Variants in LRP8 observed in about 807,000 individuals in gnomAD.
LRP8 encodes the protein low-density lipoprotein receptor-related protein 8.
Under a neutral mutation model 111.6 loss-of-function variants are expected in LRP8, and 46 were observed. The observed-to-expected ratio is 0.41, with a 90% CI of 0.33 to 0.53. The LOEUF (loss-of-function observed/expected upper bound fraction) is 0.53. LRP8 is among the 20% of genes least tolerant of loss of function. The pLI, the probability that LRP8 is intolerant of heterozygous loss-of-function variation, is 0.20. For synonymous variants in LRP8, 464 were observed against 511.2 expected (o/e 0.91, Z 1.24); for missense variants, 959 against 1,297.4 (o/e 0.74, Z 4.01).
intron 9 of LRP8, among the ~76,000 whole-genome samples, chr1:53,265,673 C>G (rs1453970662): frequency 6.6e-6 from 1 of 152,198 alleles, no homozygotes; most frequent in African/African-American, 2.4e-5. Context: ...AGGCAGGAAT[C>G]TAGTTGTCAG....
intron 2 of LRP8, among the ~76,000 whole-genome samples, chr1:53,290,419 AGTCGTAAT>A (rs528114084): frequency 6.2e-4 from 95 of 152,310 alleles, no homozygotes; most frequent in African/African-American, 2.0e-3. Context: ...AGCAACAAGA[AGTCGTAAT>A]GTATGAAGAA....
chr1:53,243,886 C>T lies in LRP8; in HGVS notation c.*3132G>A, dbSNP rs770252006. ...TTTTTGTTTCCACATATATCATCCTCCACTGCTACTGTGAACTCTGTAAAG... is the reference window on the plus strand; with the variant it reads ...TTTTTGTTTCCACATATATCATCCTTCACTGCTACTGTGAACTCTGTAAAG... On this transcript the variant is annotated 3_prime_UTR_variant, in exon 19 of 19. Coordinates refer to ENST00000306052, the MANE Select transcript of LRP8 (RefSeq NM_004631.5). 6.6e-6 allele frequency: 1 copy of T among 152,218 alleles called. No individual in the cohort carries two copies. Among genetic ancestry groups the T allele is most frequent in the Non-Finnish European group, 1.5e-5 (1 of 68,054 alleles). The allele number at this position is 152,218 out of a possible 1,614,324, so 9.4% of individuals were successfully genotyped here.
intron 2 of LRP8, among the ~76,000 whole-genome samples, chr1:53,324,724 A>G (rs1056274143): frequency 6.6e-6 from 1 of 152,134 alleles, no homozygotes; most frequent in African/African-American, 2.4e-5. Flanking sequence ...GCACCCAGCT[A>G]CTTTACTCCT....
chr1:53,274,267 G>C (rs552586474), intron 6 of LRP8, among the ~76,000 whole-genome samples: 12 of 152,216 alleles, frequency 7.9e-5, no homozygotes, highest in Non-Finnish European at 1.6e-4. Context: ...GTGGCCCTGG[G>C]ATGTGCTTCA....
Position 53,250,956 on chromosome 1 carries a change from C to A in LRP8, c.2504-94G>T, listed in dbSNP as rs896692631. The A allele has an allele frequency of 5.0e-6, 5 of 1,010,052 alleles. No homozygotes were observed. In the African/African-American group the frequency reaches 8.0e-5, roughly 16 times the overall value. The allele number at this position is 1,010,052 out of a possible 1,614,324, so 62.6% of individuals were successfully genotyped here. ...GCTTGTCACCACTCCACTTTTACTA[C>A]CCTTTGCTCCTCAGGCTCTGTTTCT... is the stretch of plus-strand genomic sequence containing the variant. On this transcript the variant is annotated intron_variant, in intron 16 of 18. Coordinates refer to ENST00000306052, the MANE Select transcript of LRP8 (RefSeq NM_004631.5). This position sits in a 1 kb window ranked among gnomAD's most constrained non-coding sequence, Gnocchi z 4.6.
Position 53,271,224 on chromosome 1 carries a change from C to A in LRP8, c.1126+3G>T, listed in dbSNP as rs1439975425. Reference sequence around the variant, plus strand: ...TGCTTGGGGGTGTGGGAGAAGGTCTCACCGCCACAGGTCTTCTGGTCCAGG... The same window carrying A: ...TGCTTGGGGGTGTGGGAGAAGGTCTAACCGCCACAGGTCTTCTGGTCCAGG... On this transcript the variant is annotated splice_donor_region_variant and intron_variant, in intron 7 of 18. Coordinates refer to ENST00000306052, the MANE Select transcript of LRP8 (RefSeq NM_004631.5). 1 of 1,613,780 alleles carries A rather than the reference C, an allele frequency of 6.2e-7. No homozygotes were observed.
At chr1:53,272,579 C>T in intron 6 of LRP8, 1 of 1,290,914 alleles carries the variant, frequency 7.7e-7, no homozygotes, top group Non-Finnish European at 1.0e-6. Context: ...CAGCCTGAGC[C>T]ATGCTTAGGG....
At chr1:53,292,861 C>A (rs2100471827) in intron 2 of LRP8, among the ~76,000 whole-genome samples, 1 of 152,334 alleles carries the variant, frequency 6.6e-6, no homozygotes, top group South Asian at 2.1e-4. Flanking sequence ...CACCACGGCT[C>A]CCCAGTCAAA....
At chr1:53,296,471 C>T (rs1295475300) in intron 2 of LRP8, among the ~76,000 whole-genome samples, 1 of 152,218 alleles carries the variant, frequency 6.6e-6, no homozygotes, top group Non-Finnish European at 1.5e-5. Flanking sequence ...CACTTGTACC[C>T]GGGTCGGGGA....
Position 53,242,897 on chromosome 1 carries a change from T to C in LRP8, c.*4121A>G, listed in dbSNP as rs543749145. ...CGTGGCTTTTTAAAAATTACTTTTT[T>C]ATAGCACAAAGTGTTTGTAAATGCA... On this transcript the variant is annotated 3_prime_UTR_variant, in exon 19 of 19. Transcript: ENST00000306052. The C allele has an allele frequency of 5.9e-5, 9 of 151,924 alleles. No homozygotes were observed. The East Asian group carries it at 1.7e-3, about 29-fold the overall frequency. The allele number at this position is 151,924 out of a possible 1,614,324, so 9.4% of individuals were successfully genotyped here. A position where few individuals can be genotyped will look rare whatever the true frequency, so the allele number is the denominator to read the frequency against.
Position 53,275,533 on chromosome 1 carries a change from G to A in LRP8, c.1006+98C>T. 5 of 1,501,776 alleles carry A rather than the reference G, an allele frequency of 3.3e-6. No individual in the cohort carries two copies. The highest frequency in any genetic ancestry group is 3.6e-6 in the Non-Finnish European group (4 of 1,104,902). The allele number at this position is 1,501,776 out of a possible 1,614,324, so 93.0% of individuals were successfully genotyped here. A position where few individuals can be genotyped will look rare whatever the true frequency, so the allele number is the denominator to read the frequency against. On this transcript the variant is annotated intron_variant, in intron 6 of 18. Coordinates refer to ENST00000306052, the MANE Select transcript of LRP8 (RefSeq NM_004631.5). The surrounding 1 kb of genome is among the most constrained non-coding windows in gnomAD (Gnocchi z 4.4). ...GCTCTGGGGGAAAATGCATCTTGGGGACCAAGGGGAAACTCCTCCCAACTC... is the reference window on the plus strand; with the variant it reads ...GCTCTGGGGGAAAATGCATCTTGGGAACCAAGGGGAAACTCCTCCCAACTC...
In LRP8 at chr1:53,262,369, A is replaced by G; in HGVS notation, c.1774+77T>C. 1 of 1,532,734 alleles carries G rather than the reference A, an allele frequency of 6.5e-7. No individual in the cohort carries two copies. 94.9% of individuals were successfully genotyped at this position (1,532,734 alleles called of 1,614,324 possible). On this transcript the variant is annotated intron_variant, in intron 11 of 18. Coordinates refer to ENST00000306052, the MANE Select transcript of LRP8 (RefSeq NM_004631.5). This position sits in a 1 kb window ranked among gnomAD's most constrained non-coding sequence, Gnocchi z 4.8. ...TGGCACCATGAGAGGACCCAGAAAC[A>G]AGACTCATGGAGTTCCAGACAGTGA...
At chr1:53,297,605 G>A (rs1274460125) in intron 2 of LRP8, among the ~76,000 whole-genome samples, 1 of 152,210 alleles carries the variant, frequency 6.6e-6, no homozygotes, top group Non-Finnish European at 1.5e-5. Flanking sequence ...CTGAGGAGGA[G>A]GGAGACACAC....
chr1:53,263,344 G>C (rs948082175), intron 10 of LRP8, among the ~76,000 whole-genome samples: 8 of 152,216 alleles, frequency 5.3e-5, no homozygotes, highest in Non-Finnish European at 1.2e-4. Flanking sequence ...CTCCCATGTG[G>C]TACTCCCCTC....
chr1:53,298,096 T>A (rs1311907472), intron 2 of LRP8, among the ~76,000 whole-genome samples: 2 of 152,244 alleles, frequency 1.3e-5, no homozygotes, highest in African/African-American at 4.8e-5. Context: ...TTCCAAGTCC[T>A]TCCAAAGAGG....
chr1:53,257,710 A>G (rs778070541), intron 14 of LRP8, among the ~76,000 whole-genome samples: 2 of 152,240 alleles, frequency 1.3e-5, no homozygotes, highest in Non-Finnish European at 2.9e-5. Flanking sequence ...TCAGCAATAA[A>G]AAGACTGTAG....
At chr1:53,327,046 C>T in intron 1 of LRP8, 54 bp from the exon 2 acceptor site, 2 of 1,596,128 alleles carry the variant, frequency 1.3e-6, no homozygotes, top group Admixed American at 1.7e-5. Context: ...CCACTCCCCA[C>T]CATGCAGTCC....
chr1:53,317,663 TCA>T lies in LRP8; in HGVS notation c.244+9208_244+9209del, dbSNP rs371643465. Among the ~76,000 whole-genome samples the T allele has an allele frequency of 3.5e-4, 54 of 152,294 alleles. 1 individual carries two copies. In the East Asian group the frequency reaches 7.7e-3, roughly 22 times the overall value. On this transcript the variant is annotated intron_variant, in intron 2 of 18. Transcript: ENST00000306052. This position sits in a 1 kb window ranked among gnomAD's most constrained non-coding sequence, Gnocchi z 4.9. The stretch of plus-strand genomic sequence containing the variant: ...AGGCTCAGGAAGGGAAGGGAAACGC[TCA>T]TTTTCAGGGCCAGGCTCTGGGCAAA...
chr1:53,307,551 C>T (rs1652217936), intron 2 of LRP8: 2 of 152,294 alleles, frequency 1.3e-5, no homozygotes, highest in African/African-American at 4.8e-5. Context: ...AGGCACACAC[C>T]ACCCACTTGC....
Sources: allele counts gnomAD v4.1 joint callset (sites outside exome capture counted in the v4.1 genomes callset), GRCh38; gene constraint gnomAD v4.1.1; non-coding constraint Gnocchi (gnomAD v3.1); transcripts MANE v1.5; gene names NCBI Gene and HGNC (gene_info 2026-07-23, HGNC 2026-07-21).